ZMYM2: variants seen among roughly 807,000 people sequenced by gnomAD.
The protein encoded by ZMYM2 is zinc finger MYM-type protein 2.
A neutral mutation model predicts 162.8 loss-of-function variants in ZMYM2; 56 were observed. That is an observed-to-expected ratio of 0.34 (90% CI 0.28 to 0.43). ZMYM2 has a LOEUF of 0.43. Among genes scored for constraint, ZMYM2 ranks in the 20% least tolerant of loss-of-function variants. ZMYM2 has a pLI of 1.00. For missense variants in ZMYM2, 1,275 were observed against 1,621.8 expected, an observed-to-expected ratio of 0.79 and a Z score of 3.67; for synonymous variants, 510 against 541.6, an observed-to-expected ratio of 0.94 and a Z score of 0.81.
At chr13:19,942,141 T>G in the ZMYM2 span, among the ~76,000 whole-genome samples, 1 of 152,138 alleles carries the variant, frequency 6.6e-6, no homozygotes, top group South Asian at 2.1e-4. Context: ...GTTAATTCAA[T>G]CAAATATTTA....
At chr13:20,079,310 C>A (rs1247560214) in intron 21 of ZMYM2, among the ~76,000 whole-genome samples, 1 of 76,722 alleles carries the variant, frequency 1.3e-5, no homozygotes, top group African/African-American at 6.1e-5. Context: ...GAGTAAGACT[C>A]TGTCTCAAAA....
intron 7 of ZMYM2, chr13:20,026,376 G>A (rs912792814): frequency 8.4e-6 from 3 of 356,308 alleles, no homozygotes; most frequent in African/African-American, 6.3e-5. Context: ...AAATATAATA[G>A]AGAGAAAAAC....
At chr13:19,928,235 G>C in the ZMYM2 span, among the ~76,000 whole-genome samples, 5 of 152,092 alleles carry the variant, frequency 3.3e-5, no homozygotes, top group Non-Finnish European at 5.9e-5. Context: ...TCCAACTCTT[G>C]GCTCAAGCGA....
At chr13:19,886,455 G>A in the ZMYM2 span, among the ~76,000 whole-genome samples, 40 of 151,788 alleles carry the variant, frequency 2.6e-4, 1 homozygote, top group African/African-American at 9.7e-4. Context: ...GAGCCACTGC[G>A]CCCAGCGAAA....
chr13:19,954,270 A>G (rs1954473875), upstream of ZMYM2, among the ~76,000 whole-genome samples: 2 of 151,498 alleles, frequency 1.3e-5, no homozygotes, highest in South Asian at 4.2e-4. Flanking sequence ...CTGGGACTAC[A>G]GGCGCCCACC....
At chr13:20,057,849 C>G (rs1955924514) in intron 14 of ZMYM2, among the ~76,000 whole-genome samples, 1 of 152,192 alleles carries the variant, frequency 6.6e-6, no homozygotes, top group Admixed American at 6.5e-5. Flanking sequence ...TAGAACATAA[C>G]TATTCCGAAT....
intron 13 of ZMYM2, among the ~76,000 whole-genome samples, chr13:20,051,850 G>A (rs1396953435): frequency 6.6e-6 from 1 of 152,132 alleles, no homozygotes; most frequent in Non-Finnish European, 1.5e-5. Flanking sequence ...AAGCTAAACA[G>A]TGCTATAACA....
chr13:19,925,035 C>A, the ZMYM2 span, among the ~76,000 whole-genome samples: 1 of 152,120 alleles, frequency 6.6e-6, no homozygotes, highest in Non-Finnish European at 1.5e-5. Flanking sequence ...CAGGCATGTG[C>A]CACCACACCA....
At chr13:19,977,354 G>A (rs1172343116) in intron 2 of ZMYM2, among the ~76,000 whole-genome samples, 1 of 151,864 alleles carries the variant, frequency 6.6e-6, no homozygotes, top group East Asian at 1.9e-4. Flanking sequence ...GCATATAGAT[G>A]GATCGTGTTT....
chr13:20,025,794 C>A (rs185724729), intron 7 of ZMYM2: 1 of 152,374 alleles, frequency 6.6e-6, no homozygotes, highest in East Asian at 1.9e-4. Flanking sequence ...TGCTGCTAGG[C>A]TATAAGCCTG....
rs1334885742 is a variant in ZMYM2, at chr13:20,088,163, CTCTTG to C, written c.*2154_*2158del. 10 of 205,366 alleles carry C rather than the reference CTCTTG, an allele frequency of 4.9e-5. No individual in the cohort carries two copies. The highest frequency in any genetic ancestry group is 4.5e-4 in the East Asian group (6 of 13,432). 12.7% of individuals were successfully genotyped at this position (205,366 alleles called of 1,614,324 possible). On this transcript the variant is annotated 3_prime_UTR_variant, in exon 25 of 25. Coordinates refer to ENST00000610343, the MANE Select transcript of ZMYM2 (RefSeq NM_197968.4). ...TCTTGACATGATTGAGGATTTAGAG[CTCTTG>C]TCTTTGTCTTGATTGCAATCCAACG...
chr13:19,921,331 G>A, the ZMYM2 span, among the ~76,000 whole-genome samples: 1 of 151,948 alleles, frequency 6.6e-6, no homozygotes, highest in East Asian at 1.9e-4. Flanking sequence ...GTAGAAACAG[G>A]GTTTCACCAT....
Position 19,977,491 on chromosome 13 carries a change from C to T in ZMYM2, c.-10-15572C>T, listed in dbSNP as rs146186119. 2.3e-3 allele frequency among the ~76,000 whole-genome samples: 347 copies of T among 148,646 alleles called. 1 individual carries two copies. Among genetic ancestry groups the T allele is most frequent in the African/African-American group, 8.4e-3 (337 of 39,886 alleles). ...TGCATGTCTTATGTTTTTTCCTTTCCATTTCTTTTTTTTTTTTTTGAGACG... is the reference window on the plus strand; with the variant it reads ...TGCATGTCTTATGTTTTTTCCTTTCTATTTCTTTTTTTTTTTTTTGAGACG... On this transcript the variant is annotated intron_variant, in intron 2 of 24. Coordinates refer to ENST00000610343, the MANE Select transcript of ZMYM2 (RefSeq NM_197968.4).
chr13:19,934,776 T>TG, the ZMYM2 span, among the ~76,000 whole-genome samples: 1 of 14,028 alleles, frequency 7.1e-5, no homozygotes, highest in African/African-American at 8.1e-5. Context: ...TCTTTCTTTT[T>TG]TTTTTTTTGA....
intron 2 of ZMYM2, among the ~76,000 whole-genome samples, chr13:19,979,375 C>T (rs181019736): frequency 2.5e-4 from 37 of 149,358 alleles, no homozygotes; most frequent in Admixed American, 1.9e-3. Context: ...CTTTATAGAT[C>T]GCAGATTTTT....
intron 14 of ZMYM2, among the ~76,000 whole-genome samples, chr13:20,053,446 T>G (rs776956128): frequency 1.2e-4 from 18 of 152,168 alleles, no homozygotes; most frequent in Non-Finnish European, 1.9e-4. Flanking sequence ...AGGTCAGAAG[T>G]TCGAGACCAG....
At chr13:19,870,119 C>T in the ZMYM2 span, among the ~76,000 whole-genome samples, 1 of 152,082 alleles carries the variant, frequency 6.6e-6, no homozygotes, top group Admixed American at 6.6e-5. Context: ...GAGGCTTCAG[C>T]TCTTCTCTAG....
chr13:19,897,480 A>G, the ZMYM2 span, among the ~76,000 whole-genome samples: 2 of 152,094 alleles, frequency 1.3e-5, no homozygotes, highest in African/African-American at 4.8e-5. Flanking sequence ...GCAGGCCAGG[A>G]GCAGGCAGCA....
At chr13:19,887,685 T>G in the ZMYM2 span, among the ~76,000 whole-genome samples, 1 of 151,954 alleles carries the variant, frequency 6.6e-6, no homozygotes, top group African/African-American at 2.4e-5. Context: ...TTCTCTTTAT[T>G]TAAGTTATTG....
Sources: allele counts gnomAD v4.1 joint callset (sites outside exome capture counted in the v4.1 genomes callset), GRCh38; gene constraint gnomAD v4.1.1; transcripts MANE v1.5; gene names NCBI Gene and HGNC (gene_info 2026-07-23, HGNC 2026-07-21).